The following NADK variants were observed in gnomAD, a reference collection of about 807,000 sequenced individuals.
NADK encodes poly(P)/ATP NAD kinase.
Under a neutral mutation model 49.8 loss-of-function variants are expected in NADK, and 22 were observed. That is an observed-to-expected ratio of 0.44 (90% confidence interval 0.32 to 0.63). The LOEUF is 0.63. Ranked by LOEUF, NADK falls within the 30% of genes least tolerant of loss-of-function variation. The probability of loss-of-function intolerance (pLI) is 0.06; values close to 1 mark genes in which losing one functional copy is unlikely to be tolerated. For synonymous variants in NADK, 268 were observed against 253.7 expected (o/e 1.06, Z -0.54); for missense variants, 438 against 609.4 (o/e 0.72, Z 2.96).
At chr1:1,777,201 A>C (rs1047362654) in intron 1 of NADK, among the ~76,000 whole-genome samples, 1 of 152,196 alleles carries the variant, frequency 6.6e-6, no homozygotes, top group Non-Finnish European at 1.5e-5. Flanking sequence ...CAGCGTGCTA[A>C]CACCATAAAG....
At chr1:1,759,854 G>T in intron 3 of NADK, 4 of 1,550,862 alleles carry the variant, frequency 2.6e-6, no homozygotes, top group Non-Finnish European at 3.5e-6. Context: ...CCGAGTGACT[G>T]ACGGCTGGTG....
intron 3 of NADK, chr1:1,758,993 G>A (rs998507028): frequency 2.4e-5 from 33 of 1,355,226 alleles, no homozygotes; most frequent in African/African-American, 1.8e-4. Flanking sequence ...GCTTGGCTCC[G>A]GCCCAAGGGC....
intron 3 of NADK, chr1:1,759,984 G>A: frequency 2.8e-6 from 4 of 1,450,760 alleles, no homozygotes; most frequent in Non-Finnish European, 2.8e-6. Context: ...AGCAAGCACA[G>A]GATGGCGGGA....
chr1:1,757,042 A>T, intron 4 of NADK, 139 bp downstream of exon 4: 1 of 1,309,726 alleles, frequency 7.6e-7, no homozygotes, highest in Non-Finnish European at 1.1e-6. Context: ...GCAGATCCCC[A>T]CTCAGTCCCC....
chr1:1,761,643 C>T (rs189531731), intron 3 of NADK: 32 of 304,868 alleles, frequency 1.0e-4, no homozygotes, highest in African/African-American at 6.7e-4. Context: ...CGGGCTGTGA[C>T]CCGGTCTCCA....
rs371340412 is a variant in NADK, at chr1:1,759,669, G to C, written c.263+2283C>G. 320 of 1,498,040 alleles carry C rather than the reference G, an allele frequency of 2.1e-4. 1 individual carries two copies. The South Asian group carries it at 3.4e-3, about 16-fold the overall frequency. 92.8% of individuals were successfully genotyped at this position (1,498,040 alleles called of 1,614,324 possible). A position where few individuals can be genotyped will look rare whatever the true frequency, so the allele number is the denominator to read the frequency against. ...GATCCCAGAGACACAGAGCCCAGAG[G>C]GGGCGTGCTCCCATGGGGGTGCCGA... is the stretch of plus-strand genomic sequence containing the variant. On this transcript the variant is annotated intron_variant, in intron 3 of 11. Coordinates refer to ENST00000341426, the MANE Select transcript of NADK (RefSeq NM_023018.5).
At chr1:1,757,994 G>A (rs1443077795) in intron 3 of NADK, among the ~76,000 whole-genome samples, 2 of 152,168 alleles carry the variant, frequency 1.3e-5, no homozygotes, top group Admixed American at 6.5e-5. Flanking sequence ...GGCCCACCCC[G>A]GTGGGATTCC....
intron 1 of NADK, among the ~76,000 whole-genome samples, chr1:1,767,515 G>A (rs1645923123): frequency 6.6e-6 from 1 of 152,142 alleles, no homozygotes; most frequent in South Asian, 2.1e-4. Context: ...GAGGGGCCGT[G>A]CACAGAAACA....
upstream of NADK, chr1:1,778,820 G>A (rs1646293812): frequency 1.3e-5 from 2 of 152,092 alleles, no homozygotes; most frequent in African/African-American, 4.8e-5. The surrounding 1 kb of genome is among the most constrained non-coding windows in gnomAD (Gnocchi z 4.9). Flanking sequence ...TGTGATCCCA[G>A]CCCGGCGTCC....
intron 3 of NADK, among the ~76,000 whole-genome samples, chr1:1,760,548 C>G (rs1570536024): frequency 6.6e-6 from 1 of 152,212 alleles, no homozygotes; most frequent in Admixed American, 6.5e-5. Flanking sequence ...GTGGCCGCCC[C>G]CGTATCACAC....
intron 1 of NADK, among the ~76,000 whole-genome samples, chr1:1,774,157 G>A (rs1231041633): frequency 2.6e-5 from 4 of 151,064 alleles, no homozygotes; most frequent in African/African-American, 9.7e-5. Context: ...ATGTATGTGT[G>A]TGTGTGTATA....
chr1:1,777,053 G>A (rs1460588145), intron 1 of NADK, among the ~76,000 whole-genome samples: 1 of 152,146 alleles, frequency 6.6e-6, no homozygotes, highest in Non-Finnish European at 1.5e-5. Flanking sequence ...AAACACGCCT[G>A]GAGGACAGAG....
chr1:1,769,935 G>A (rs191933617), intron 1 of NADK, among the ~76,000 whole-genome samples: 20 of 151,754 alleles, frequency 1.3e-4, no homozygotes, highest in African/African-American at 3.9e-4. Flanking sequence ...AAAAAGGGCT[G>A]GGAGCAGTGG....
At chr1:1,766,005 T>C (rs2100344894) in intron 1 of NADK, among the ~76,000 whole-genome samples, 1 of 151,254 alleles carries the variant, frequency 6.6e-6, no homozygotes, top group African/African-American at 2.4e-5. Flanking sequence ...TGGTGGCTCA[T>C]GCCTGTAATC....
At position 1,756,575 on chromosome 1, in the gene NADK, G is replaced by A. The variant is rs374090651; in HGVS notation, c.427C>T (p.Leu143=). Residue 143 remains leucine, a synonymous_variant, in exon 5 of 12, where the codon CTA becomes TTA. Coordinates refer to ENST00000341426, the MANE Select transcript of NADK (RefSeq NM_023018.5). ...TCGCTGGCGATGGCAGGGTCTTCTA[G>A]CACTTTCTTTTCCACATACACGATC... ...NMIVYVEKKV[L]EDPAIASDES... 1 of 1,613,972 alleles carries A rather than the reference G, an allele frequency of 6.2e-7. No individual in the cohort carries two copies. The highest frequency in any genetic ancestry group is 1.3e-5 in the African/African-American group (1 of 74,914).
intron 2 of NADK, among the ~76,000 whole-genome samples, chr1:1,762,712 G>A (rs1645764692): frequency 6.6e-6 from 1 of 152,178 alleles, no homozygotes; most frequent in South Asian, 2.1e-4. Flanking sequence ...AGCCGAGATC[G>A]AGCCACTGTA....
rs199840251 is a variant in NADK at position 1,757,217 on chromosome 1, C to T, written c.357G>A (p.Leu119=). 11 of 1,610,140 alleles carry T rather than the reference C, an allele frequency of 6.8e-6. No homozygotes were observed. The highest frequency in any genetic ancestry group is 9.3e-6 in the Non-Finnish European group (11 of 1,178,474). ...VIKKMRDASL[L]QPFKELCTHL... The stretch of plus-strand genomic sequence containing the variant: ...GCGTGCAGAGCTCCTTGAACGGCTG[C>T]AGTAGGCTGGCATCTCTCATCTTCT... Residue 119 remains leucine, a synonymous_variant, in exon 4 of 12, where the codon CTG becomes CTA. Transcript: ENST00000341426.
intron 11 of NADK, 120 bp downstream of exon 11, chr1:1,753,447 C>T: frequency 1.3e-6 from 1 of 774,354 alleles, no homozygotes; most frequent in East Asian, 2.7e-5. Context: ...CCCAGGGACT[C>T]AGGCCCTGTG....
chr1:1,765,328 GGCAGGCCGAGCA>G lies in NADK; in HGVS notation c.67_78del (p.Cys23_Cys26del). 2 of 1,613,580 alleles carry G rather than the reference GGCAGGCCGAGCA, an allele frequency of 1.2e-6. No homozygotes were observed. Among genetic ancestry groups the G allele is most frequent in the South Asian group, 2.2e-5 (2 of 91,032 alleles). On this transcript the variant is annotated inframe_deletion, in exon 2 of 12. Coordinates refer to ENST00000341426, the MANE Select transcript of NADK (RefSeq NM_023018.5). ...TTGTAACTCCAGGTCTCATCGCCGT[GGCAGGCCGAGCA>G]GCAGTAAGCAGCCGCGTCTGGACTC...
Sources: allele counts gnomAD v4.1 joint callset (sites outside exome capture counted in the v4.1 genomes callset), GRCh38; gene constraint gnomAD v4.1.1; non-coding constraint Gnocchi (gnomAD v3.1); transcripts MANE v1.5; gene names NCBI Gene and HGNC (gene_info 2026-07-23, HGNC 2026-07-21).